The following ZCCHC7 variants were observed in gnomAD, a reference collection of about 807,000 sequenced individuals.
The protein encoded by ZCCHC7 is zinc finger CCHC domain-containing protein 7.
Under a neutral mutation model 52.0 loss-of-function variants are expected in ZCCHC7, and 35 were observed. The observed-to-expected ratio is 0.67, with a 90% CI of 0.51 to 0.89. The LOEUF is 0.89. Among genes scored for constraint, ZCCHC7 ranks in the 40% least tolerant of loss-of-function variants. ZCCHC7 has a pLI of 0.00. For synonymous variants in ZCCHC7, 217 were observed against 221.5 expected (o/e 0.98, Z 0.18); for missense variants, 574 against 649.1 (o/e 0.88, Z 1.26).
In ZCCHC7 at chr9:37,352,511, CTTTTTT is replaced by C. The variant is rs869266535; in HGVS notation, c.1084-2180_1084-2175del. The stretch of plus-strand genomic sequence containing the variant: ...TACCTTTGCATAATCACAATTTGCT[CTTTTTT>C]TTTTTTTTTTTTTTTTTTGAGACAG... On this transcript the variant is annotated intron_variant, in intron 7 of 8. Transcript: ENST00000336755. Among the ~76,000 whole-genome samples the C allele has an allele frequency of 2.9e-4, 24 of 81,576 alleles. 1 individual carries two copies. Among genetic ancestry groups the C allele is most frequent in the Admixed American group, 1.5e-4 (1 of 6,820 alleles). 53.5% of individuals were successfully genotyped at this position (81,576 alleles called of 152,430 possible).
At chr9:37,209,572 G>A (rs866666158) in intron 2 of ZCCHC7, among the ~76,000 whole-genome samples, 27 of 151,886 alleles carry the variant, frequency 1.8e-4, no homozygotes, top group African/African-American at 6.1e-4. Context: ...GCATATGTAT[G>A]TATACACATG....
At chr9:37,296,118 G>A (rs1355035314) in intron 2 of ZCCHC7, among the ~76,000 whole-genome samples, 2 of 152,268 alleles carry the variant, frequency 1.3e-5, no homozygotes, top group East Asian at 1.9e-4. Flanking sequence ...TTGATTTTGA[G>A]GAGCTGAGCC....
intron 2 of ZCCHC7, among the ~76,000 whole-genome samples, chr9:37,294,766 T>C (rs2133653653): frequency 6.6e-6 from 1 of 152,286 alleles, no homozygotes; most frequent in East Asian, 1.9e-4. Context: ...GTATTCAAGT[T>C]ATTCTGATAA....
chr9:37,259,701 AG>A (rs1194401122), intron 2 of ZCCHC7, among the ~76,000 whole-genome samples: 1 of 152,184 alleles, frequency 6.6e-6, no homozygotes, highest in Non-Finnish European at 1.5e-5. Flanking sequence ...TTCTAAGTGT[AG>A]ATTTATACAG....
intron 2 of ZCCHC7, among the ~76,000 whole-genome samples, chr9:37,174,435 A>G (rs1821906206): frequency 6.6e-6 from 1 of 152,204 alleles, no homozygotes. Flanking sequence ...TGTCCAGGAA[A>G]AATGGAGTAA....
intron 2 of ZCCHC7, among the ~76,000 whole-genome samples, chr9:37,250,342 T>G (rs1228470392): frequency 2.7e-5 from 4 of 150,466 alleles, no homozygotes; most frequent in African/African-American, 9.8e-5. Context: ...TGCTCTGTTG[T>G]CCAGATTGGA....
intron 5 of ZCCHC7, among the ~76,000 whole-genome samples, chr9:37,321,776 A>G (rs1830063214): frequency 6.6e-6 from 1 of 152,048 alleles, no homozygotes. Flanking sequence ...TAAATAAATA[A>G]ATAAAAATAA....
chr9:37,192,538 T>C (rs1823071665), intron 2 of ZCCHC7, among the ~76,000 whole-genome samples: 1 of 152,220 alleles, frequency 6.6e-6, no homozygotes, highest in Admixed American at 6.5e-5. Context: ...TGGTTGAAGT[T>C]GAAAAATTTT....
intron 2 of ZCCHC7, among the ~76,000 whole-genome samples, chr9:37,254,759 T>G (rs1826493554): frequency 6.6e-6 from 1 of 151,824 alleles, no homozygotes; most frequent in Admixed American, 6.6e-5. Context: ...TTTTTTCAAA[T>G]TTTGAGATAT....
At chr9:37,214,072 A>AT (rs1457102632) in intron 2 of ZCCHC7, among the ~76,000 whole-genome samples, 1 of 151,588 alleles carries the variant, frequency 6.6e-6, no homozygotes, top group East Asian at 1.9e-4. Context: ...TATTTTAGAT[A>AT]TTTTACAAAG....
At chr9:37,181,650 A>G (rs1564162507) in intron 2 of ZCCHC7, among the ~76,000 whole-genome samples, 1 of 152,210 alleles carries the variant, frequency 6.6e-6, no homozygotes, top group African/African-American at 2.4e-5. Context: ...ATTTACGTGA[A>G]ATGTCCAAAT....
intron 3 of ZCCHC7, among the ~76,000 whole-genome samples, chr9:37,302,743 C>T (rs1265232872): frequency 6.6e-6 from 1 of 152,166 alleles, no homozygotes; most frequent in Non-Finnish European, 1.5e-5. Flanking sequence ...TTCTACCAAA[C>T]AAGCTAAAGC....
intron 2 of ZCCHC7, among the ~76,000 whole-genome samples, chr9:37,264,236 T>TA (rs1271758715): frequency 6.6e-6 from 1 of 152,132 alleles, no homozygotes; most frequent in Admixed American, 6.5e-5. Flanking sequence ...ATAAGAATAT[T>TA]AAAATGCATT....
intron 2 of ZCCHC7, among the ~76,000 whole-genome samples, chr9:37,246,498 A>G (rs1172520780): frequency 6.6e-6 from 1 of 152,178 alleles, no homozygotes; most frequent in Non-Finnish European, 1.5e-5. Flanking sequence ...GTACTATACC[A>G]GTATAGGATA....
chr9:37,275,931 G>A lies in ZCCHC7; in HGVS notation c.611-26257G>A, dbSNP rs574217984. ...CTCCCAAAGTGCTGGGATTACAGGC[G>A]TGAGCCACTGTGCCCAGCTGGCAAA... On this transcript the variant is annotated intron_variant, in intron 2 of 8. Transcript: ENST00000336755. Among the ~76,000 whole-genome samples the A allele has an allele frequency of 2.0e-5, 3 of 152,304 alleles. No homozygotes were observed. In the South Asian group the frequency reaches 6.2e-4, roughly 32 times the overall value.
intron 6 of ZCCHC7, among the ~76,000 whole-genome samples, chr9:37,336,995 G>T (rs942172343): frequency 2.2e-4 from 33 of 152,060 alleles, no homozygotes; most frequent in Admixed American, 1.3e-3. Flanking sequence ...CTCCTCTCCG[G>T]ACAATTGGCG....
At chr9:37,188,399 C>T (rs930327481) in intron 2 of ZCCHC7, among the ~76,000 whole-genome samples, 1 of 151,790 alleles carries the variant, frequency 6.6e-6, no homozygotes, top group Non-Finnish European at 1.5e-5. Context: ...AAGTGATCCT[C>T]CCACCTCAGC....
intron 2 of ZCCHC7, among the ~76,000 whole-genome samples, chr9:37,211,966 G>T (rs776543218): frequency 2.4e-4 from 34 of 139,348 alleles, no homozygotes; most frequent in Non-Finnish European, 5.0e-4. Flanking sequence ...GGCGGAGCTT[G>T]CAGTGAGCCG....
intron 5 of ZCCHC7, among the ~76,000 whole-genome samples, chr9:37,319,880 G>C (rs1484090170): frequency 6.6e-6 from 1 of 152,064 alleles, no homozygotes; most frequent in Non-Finnish European, 1.5e-5. Context: ...ACCATTTGTC[G>C]AAAAGACTTT....
Sources: gnomAD v4.1 joint callset for allele counts (sites outside exome capture counted in the v4.1 genomes callset) on GRCh38, gnomAD v4.1.1 for gene constraint, MANE v1.5 for transcripts, NCBI Gene and HGNC (gene_info 2026-07-23, HGNC 2026-07-21) for gene names.